FERMT3: variants seen among roughly 807,000 people sequenced by gnomAD.
FERMT3 encodes the protein FERM domain containing kindlin 3.
A neutral mutation model predicts 80.8 loss-of-function variants in FERMT3; 33 were observed. The observed-to-expected ratio is 0.41, with a 90% CI of 0.31 to 0.55. FERMT3 has a LOEUF of 0.55. FERMT3 is among the 20% of genes least tolerant of loss of function. FERMT3 has a pLI of 0.31. For missense variants in FERMT3, 754 were observed against 908.7 expected, an observed-to-expected ratio of 0.83 and a Z score of 2.19; for synonymous variants, 375 against 372.2, an observed-to-expected ratio of 1.01 and a Z score of -0.09.
At chr11:64,213,516 GT>G (rs1352223989) in intron 6 of FERMT3, among the ~76,000 whole-genome samples, 4 of 150,874 alleles carry the variant, frequency 2.7e-5, no homozygotes, top group Non-Finnish European at 5.9e-5. Flanking sequence ...GCCTCCCAAA[GT>G]GCTGGGGTTA....
intron 6 of FERMT3, among the ~76,000 whole-genome samples, chr11:64,213,165 C>T (rs1356788781): frequency 1.3e-5 from 2 of 151,934 alleles, no homozygotes; most frequent in African/African-American, 4.8e-5. Flanking sequence ...AAGCAATTCT[C>T]CTGGGATTAC....
rs1451889245 is a variant in FERMT3 at position 64,210,687 on chromosome 11, A to G, written c.237A>G (p.Thr79=). The stretch of plus-strand genomic sequence containing the variant: ...AGTGGCTGCTGCAGACCCACTGGAC[A>G]CTGGACAAGTACGGGATCCTGGCCG... ...KRQWLLQTHW[T]LDKYGILADA... The change falls in exon 3 of 15, where the codon ACA becomes ACG. Residue 79 remains threonine, a synonymous_variant. Coordinates refer to ENST00000345728, the MANE Select transcript of FERMT3 (RefSeq NM_031471.6). This position sits in a 1 kb window ranked among gnomAD's most constrained non-coding sequence, Gnocchi z 4.3. The G allele has an allele frequency of 1.9e-6, 3 of 1,614,122 alleles. No individual in the cohort carries two copies. Among genetic ancestry groups the G allele is most frequent in the South Asian group, 1.1e-5 (1 of 91,092 alleles).
Position 64,219,828 on chromosome 11 carries a change from G to C in FERMT3, c.1079+39G>C, listed in dbSNP as rs113773254. 2.5e-6 allele frequency: 4 copies of C among 1,613,978 alleles called. No homozygotes were observed. The highest frequency in any genetic ancestry group is 2.5e-6 in the Non-Finnish European group (3 of 1,180,018). On this transcript the variant is annotated intron_variant, in intron 9 of 14. Transcript: ENST00000345728. This position sits in a 1 kb window ranked among gnomAD's most constrained non-coding sequence, Gnocchi z 4.0. ...CAGAGTAGGCAGCCCTGCTGGAGGG[G>C]TTGGTCTGCATATGGAGGGAGGGGG...
intron 13 of FERMT3, among the ~76,000 whole-genome samples, chr11:64,222,691 G>A (rs1437202538): frequency 2.6e-5 from 4 of 152,190 alleles, no homozygotes; most frequent in East Asian, 3.8e-4. Flanking sequence ...CAGGGCTAGC[G>A]GTGGATGCTG....
chr11:64,209,894 G>C (rs565853000), intron 2 of FERMT3, among the ~76,000 whole-genome samples: 203 of 152,304 alleles, frequency 1.3e-3, no homozygotes, highest in Non-Finnish European at 2.3e-3. Flanking sequence ...GAGGAGGCGG[G>C]GAGACCTGTG....
rs1394453075 is a variant in FERMT3, at chr11:64,210,212, A to G, written c.161-399A>G. Among the ~76,000 whole-genome samples, 1 of 152,230 alleles carries G rather than the reference A, an allele frequency of 6.6e-6. No individual in the cohort carries two copies. Among genetic ancestry groups the G allele is most frequent in the African/African-American group, 2.4e-5 (1 of 41,464 alleles). The stretch of plus-strand genomic sequence containing the variant: ...CCCTGAGGACATACAACGGTGAGAC[A>G]GACGTAGTCTCTGCCTCCAGGAGCT... On this transcript the variant is annotated intron_variant, in intron 2 of 14. Transcript: ENST00000345728. This position sits in a 1 kb window ranked among gnomAD's most constrained non-coding sequence, Gnocchi z 4.3.
At chr11:64,221,274 G>A (rs1946675941) in intron 13 of FERMT3, 134 bp downstream of exon 13, 4 of 896,762 alleles carry the variant, frequency 4.5e-6, no homozygotes, top group Non-Finnish European at 6.9e-6. Flanking sequence ...TTCTTTGTAA[G>A]CAGGCCTTAC....
chr11:64,220,897 A>G, intron 12 of FERMT3, 119 bp from the exon 13 acceptor site: 1 of 1,542,808 alleles, frequency 6.5e-7, no homozygotes, highest in Non-Finnish European at 8.8e-7. Context: ...TGGCGGCCCC[A>G]CGTGGGCACT....
intron 6 of FERMT3, among the ~76,000 whole-genome samples, chr11:64,215,599 GGTCTCGCTCT>G (rs1946532871): frequency 6.6e-6 from 1 of 151,850 alleles, no homozygotes; most frequent in African/African-American, 2.4e-5. Context: ...TTAGAGATGG[GGTCTCGCTCT>G]GTCACCCAGA....
intron 2 of FERMT3, among the ~76,000 whole-genome samples, chr11:64,208,942 G>A (rs755038152): frequency 3.3e-5 from 5 of 152,212 alleles, no homozygotes; most frequent in African/African-American, 4.8e-5. Context: ...GCAGCAAGGC[G>A]AAAGGCTGGT....
chr11:64,207,161 G>A (rs1946328182), intron 1 of FERMT3, among the ~76,000 whole-genome samples, 190 bp from the exon 2 acceptor site: 2 of 152,204 alleles, frequency 1.3e-5, no homozygotes, highest in African/African-American at 4.8e-5. Flanking sequence ...GAGGGCCCTC[G>A]CGGCTCAAGC....
At chr11:64,220,087 G>A (rs143587409) in intron 10 of FERMT3, 72 bp downstream of exon 10, 30,236 of 1,589,336 alleles carry the variant, frequency 0.019, 565 homozygotes, top group South Asian at 0.077. Flanking sequence ...TGCTCTCACC[G>A]GCCCTGTTTC....
At chr11:64,215,627 G>C (rs1306241961) in intron 6 of FERMT3, among the ~76,000 whole-genome samples, 1 of 152,110 alleles carries the variant, frequency 6.6e-6, no homozygotes, top group African/African-American at 2.4e-5. Flanking sequence ...AGACTAGAGT[G>C]CAGTGGTGCG....
chr11:64,220,835 G>A, intron 12 of FERMT3, 166 bp downstream of exon 12: 1 of 1,325,490 alleles, frequency 7.5e-7, no homozygotes. Flanking sequence ...AGGAGTCACG[G>A]TCCAGGTGCC....
rs181253886 is a variant in FERMT3, at chr11:64,215,490, T to A, written c.786+3743T>A. 2.0e-5 allele frequency among the ~76,000 whole-genome samples: 3 copies of A among 152,376 alleles called. No homozygotes were observed. The East Asian group carries it at 5.8e-4, about 29-fold the overall frequency. On this transcript the variant is annotated intron_variant, in intron 6 of 14. Coordinates refer to ENST00000345728, the MANE Select transcript of FERMT3 (RefSeq NM_031471.6). ...ATTGTGAATATATTTTCCCCCTCTG[T>A]GCTTTGCCTTTTAATTGTCTGAATG... is the stretch of plus-strand genomic sequence containing the variant.
At chr11:64,218,372 C>T (rs550988517) in intron 6 of FERMT3, among the ~76,000 whole-genome samples, 21 of 152,036 alleles carry the variant, frequency 1.4e-4, no homozygotes, top group Non-Finnish European at 1.9e-4. Context: ...GGTGCAATTA[C>T]AGCTCACTGC....
In FERMT3 at chr11:64,223,617, G is replaced by A. The variant is rs949899316; in HGVS notation, c.*125G>A. The A allele has an allele frequency of 6.7e-6, 8 of 1,192,692 alleles. No individual in the cohort carries two copies. The Admixed American group carries it at 1.6e-4, about 24-fold the overall frequency. The allele number at this position is 1,192,692 out of a possible 1,614,324, so 73.9% of individuals were successfully genotyped here. Reference sequence around the variant, plus strand: ...CACCCAGCTGGGCATTTCACCTGCTGTCACTGACTTTGTGCAGGCCAAGGA... The same window carrying A: ...CACCCAGCTGGGCATTTCACCTGCTATCACTGACTTTGTGCAGGCCAAGGA... On this transcript the variant is annotated 3_prime_UTR_variant, in exon 15 of 15. Transcript: ENST00000345728.
chr11:64,207,763 A>C, intron 2 of FERMT3: 2 of 507,548 alleles, frequency 3.9e-6, no homozygotes, highest in Non-Finnish European at 7.0e-6. Flanking sequence ...CGCAGCCACA[A>C]TCCTCCATTC....
intron 2 of FERMT3, among the ~76,000 whole-genome samples, chr11:64,209,593 AGAGT>A (rs1218377809): frequency 6.6e-6 from 1 of 152,194 alleles, no homozygotes; most frequent in East Asian, 1.9e-4. Context: ...GCACACAGCC[AGAGT>A]CCCACTGGGG....
Sources: gnomAD v4.1 joint callset for allele counts (sites outside exome capture counted in the v4.1 genomes callset) on GRCh38, gnomAD v4.1.1 for gene constraint, Gnocchi (gnomAD v3.1) non-coding constraint, MANE v1.5 for transcripts, NCBI Gene and HGNC (gene_info 2026-07-23, HGNC 2026-07-21) for gene names.